FRMD4A: variants seen among roughly 807,000 people sequenced by gnomAD.
The protein encoded by FRMD4A is FERM domain-containing protein 4A.
In FRMD4A, 29 loss-of-function variants were observed where a neutral mutation model predicts 129.1. That is an observed-to-expected ratio of 0.22 (90% CI 0.17 to 0.31). FRMD4A has a LOEUF of 0.31. FRMD4A is among the 10% of genes least tolerant of loss of function. The pLI is 1.00. For synonymous variants in FRMD4A, 634 were observed against 571.6 expected, an observed-to-expected ratio of 1.11 and a Z score of -1.56; for missense variants, 1,272 against 1,375.8, an observed-to-expected ratio of 0.92 and a Z score of 1.19.
At chr10:13,711,062 G>GC (rs755810241) in intron 12 of FRMD4A, among the ~76,000 whole-genome samples, 1 of 152,154 alleles carries the variant, frequency 6.6e-6, no homozygotes, top group Non-Finnish European at 1.5e-5. Context: ...GAGAAGGTGT[G>GC]CATGTCAGAA....
chr10:13,701,484 G>A lies in FRMD4A; in HGVS notation c.837-6C>T, dbSNP rs2086824840. On this transcript the variant is annotated splice_polypyrimidine_tract_variant and splice_region_variant and intron_variant, in intron 13 of 24. Transcript: ENST00000357447. ...TCCTCCTTGTCACTGAAGCCCTGGGGAAGCAAGAATCACAAGGTTCAATCC... is the reference window on the plus strand; with the variant it reads ...TCCTCCTTGTCACTGAAGCCCTGGGAAAGCAAGAATCACAAGGTTCAATCC... The A allele has an allele frequency of 3.1e-6, 5 of 1,611,502 alleles. No homozygotes were observed. The Admixed American group carries it at 5.0e-5, about 16-fold the overall frequency.
At chr10:13,814,692 A>AG (rs1477080434) in intron 3 of FRMD4A, among the ~76,000 whole-genome samples, 8 of 151,664 alleles carry the variant, frequency 5.3e-5, no homozygotes, top group Non-Finnish European at 1.0e-4. Flanking sequence ...AGAGAGAGAG[A>AG]AAAAAAAGAG....
intron 2 of FRMD4A, among the ~76,000 whole-genome samples, chr10:13,957,347 G>A (rs1399369078): frequency 6.6e-6 from 1 of 152,046 alleles, no homozygotes; most frequent in Non-Finnish European, 1.5e-5. Context: ...TCTGCCTCCC[G>A]GGTTCAAACA....
At position 13,799,721 on chromosome 10, in the gene FRMD4A, A is replaced by G. The variant is rs142475378; in HGVS notation, c.207-3133T>C. 6.5e-3 allele frequency among the ~76,000 whole-genome samples: 983 copies of G among 152,014 alleles called. 18 individuals carry two copies. The highest frequency in any genetic ancestry group is 0.019 in the East Asian group (100 of 5,164). The stretch of plus-strand genomic sequence containing the variant: ...TGGAGAACTGTCTCTCCATCCCTTT[A>G]TCTGAATGTTTAGCCATTGTGCAAG... On this transcript the variant is annotated intron_variant, in intron 4 of 24. Transcript: ENST00000357447.
chr10:13,782,907 A>G lies in FRMD4A; in HGVS notation c.384+15T>C. The G allele has an allele frequency of 1.7e-6, 2 of 1,151,032 alleles. No individual in the cohort carries two copies. The highest frequency in any genetic ancestry group is 2.6e-6 in the Non-Finnish European group (2 of 756,844). 71.3% of individuals were successfully genotyped at this position (1,151,032 alleles called of 1,614,324 possible). A position where few individuals can be genotyped will look rare whatever the true frequency, so the allele number is the denominator to read the frequency against. ...TCAGGTTTCAGAGGGAAATTGAGGG[A>G]GAGGGAGTTCCTACCTTGTAGATGC... On this transcript the variant is annotated intron_variant, in intron 6 of 24. Coordinates refer to ENST00000357447, the MANE Select transcript of FRMD4A (RefSeq NM_018027.5).
intron 2 of FRMD4A, among the ~76,000 whole-genome samples, chr10:14,144,154 C>T (rs868352566): frequency 6.6e-6 from 1 of 152,182 alleles, no homozygotes; most frequent in African/African-American, 2.4e-5. Context: ...GATTCCTCCC[C>T]ACCTGTGGGT....
intron 2 of FRMD4A, among the ~76,000 whole-genome samples, chr10:13,888,558 G>A (rs181110871): frequency 1.3e-5 from 2 of 152,254 alleles, no homozygotes; most frequent in Admixed American, 6.5e-5. Flanking sequence ...TTAGCTCAAG[G>A]GGAATATAGT....
intron 2 of FRMD4A, among the ~76,000 whole-genome samples, chr10:13,946,431 T>C (rs2095332205): frequency 6.6e-6 from 1 of 152,166 alleles, no homozygotes; most frequent in East Asian, 1.9e-4. Flanking sequence ...AAATTCTAGG[T>C]GCTCCTATGT....
At chr10:13,981,613 CCTGTAATCCCAGCTA>C (rs943324646) in intron 2 of FRMD4A, among the ~76,000 whole-genome samples, 5 of 151,948 alleles carry the variant, frequency 3.3e-5, no homozygotes, top group African/African-American at 1.2e-4. Flanking sequence ...GTGGTGGGTG[CCTGTAATCCCAGCTA>C]CTCAGGAAGC....
chr10:14,140,530 G>A (rs796177092), intron 2 of FRMD4A, among the ~76,000 whole-genome samples: 3 of 152,252 alleles, frequency 2.0e-5, no homozygotes, highest in Admixed American at 6.5e-5. Flanking sequence ...AATGGTACAC[G>A]ACCTTTCCAC....
intron 12 of FRMD4A, among the ~76,000 whole-genome samples, chr10:13,722,424 T>C (rs1269459382): frequency 1.3e-5 from 2 of 151,576 alleles, no homozygotes; most frequent in Non-Finnish European, 2.9e-5. Context: ...TTTTTTTTTT[T>C]TGTAGAGTCG....
intron 2 of FRMD4A, among the ~76,000 whole-genome samples, chr10:13,956,262 C>T (rs899501619): frequency 2.0e-5 from 3 of 152,178 alleles, no homozygotes; most frequent in Non-Finnish European, 2.9e-5. Context: ...AAGTGATTCT[C>T]GTGCCTCCGC....
At chr10:14,077,852 A>G (rs557674631) in intron 2 of FRMD4A, among the ~76,000 whole-genome samples, 23 of 152,352 alleles carry the variant, frequency 1.5e-4, no homozygotes, top group Middle Eastern at 6.8e-3. Flanking sequence ...TAGGCTTAAC[A>G]TCCATCTAGA....
chr10:13,767,891 A>G (rs1360822968), intron 6 of FRMD4A, among the ~76,000 whole-genome samples: 1 of 152,094 alleles, frequency 6.6e-6, no homozygotes, highest in African/African-American at 2.4e-5. Context: ...GTGGGCATGG[A>G]ATAATTACTT....
intron 2 of FRMD4A, among the ~76,000 whole-genome samples, chr10:14,130,768 G>C (rs937869830): frequency 2.0e-5 from 3 of 152,194 alleles, no homozygotes; most frequent in African/African-American, 7.2e-5. Context: ...GCCTATATCG[G>C]TAAATACGAG....
chr10:13,823,558 C>T (rs189767651), intron 3 of FRMD4A, among the ~76,000 whole-genome samples: 1 of 152,328 alleles, frequency 6.6e-6, no homozygotes, highest in African/African-American at 2.4e-5. Flanking sequence ...GCTCCATCTT[C>T]CATGGCCATC....
At chr10:14,251,732 T>A (rs995913352) in intron 2 of FRMD4A, among the ~76,000 whole-genome samples, 2 of 152,190 alleles carry the variant, frequency 1.3e-5, no homozygotes, top group Admixed American at 6.5e-5. Context: ...GGAGCCAGAT[T>A]CCTGGGAGTT....
At chr10:14,241,683 TAAAAAAAAAAAAAAAAAAAAAAAA>T (rs71388168) in intron 2 of FRMD4A, among the ~76,000 whole-genome samples, 6 of 23,404 alleles carry the variant, frequency 2.6e-4, no homozygotes, top group South Asian at 1.9e-3. Context: ...TTACCCTCCC[TAAAAAAAAAAAAAAAAAAAAAAAA>T]AAAAAAAAAA....
intron 2 of FRMD4A, among the ~76,000 whole-genome samples, chr10:14,055,965 C>G (rs888016823): frequency 6.6e-6 from 1 of 152,070 alleles, no homozygotes; most frequent in Non-Finnish European, 1.5e-5. Context: ...GACGGAGTCT[C>G]GCTCTTTCGC....
Sources: allele counts gnomAD v4.1 joint callset (sites outside exome capture counted in the v4.1 genomes callset), GRCh38; gene constraint gnomAD v4.1.1; transcripts MANE v1.5; gene names NCBI Gene and HGNC (gene_info 2026-07-23, HGNC 2026-07-21).